Variants in SUPT3H observed in about 807,000 individuals in gnomAD.
SUPT3H encodes the protein SPT3 homolog, SAGA and STAGA complex component, also known as transcription initiation protein SPT3 homolog.
SUPT3H carries 44 observed loss-of-function variants against 44.3 expected under a neutral mutation model. That is an observed-to-expected ratio of 0.99 (90% CI 0.78 to 1.28). SUPT3H has a LOEUF of 1.28. Among genes scored for constraint, SUPT3H ranks in the 50% most tolerant of loss-of-function variants. The pLI is 0.00. For missense variants in SUPT3H, 380 were observed against 387.1 expected (o/e 0.98, Z 0.15); for synonymous variants, 124 against 125.6 (o/e 0.99, Z 0.09).
At chr6:44,937,519 A>G (rs73443287) in intron 9 of SUPT3H, among the ~76,000 whole-genome samples, 5,049 of 151,938 alleles carry the variant, frequency 0.033, 246 homozygotes, top group African/African-American at 0.11. Flanking sequence ...ACTGTTTTCA[A>G]TAGAAGTTGT....
At chr6:44,896,215 C>T (rs1258417211) in intron 10 of SUPT3H, among the ~76,000 whole-genome samples, 3 of 152,036 alleles carry the variant, frequency 2.0e-5, no homozygotes, top group Non-Finnish European at 4.4e-5. Flanking sequence ...ATTCATAAGC[C>T]TTGAATTCAA....
chr6:44,849,265 C>T (rs577345622), intron 10 of SUPT3H, among the ~76,000 whole-genome samples: 44 of 123,716 alleles, frequency 3.6e-4, no homozygotes, highest in Admixed American at 5.4e-4. Context: ...CTCGCTCTGT[C>T]GCCCAGGCTG....
At chr6:45,224,362 G>T (rs571306887) in intron 2 of SUPT3H, among the ~76,000 whole-genome samples, 1 of 152,168 alleles carries the variant, frequency 6.6e-6, no homozygotes, top group Admixed American at 6.5e-5. Context: ...CTGAAAGAAT[G>T]TTTCTCACTG....
intron 2 of SUPT3H, among the ~76,000 whole-genome samples, chr6:45,280,506 A>T (rs1343429329): frequency 6.6e-6 from 1 of 151,964 alleles, no homozygotes; most frequent in African/African-American, 2.4e-5. Context: ...AAAAAACAAC[A>T]AAAAAAACCT....
intron 2 of SUPT3H, among the ~76,000 whole-genome samples, chr6:45,143,927 C>T (rs1805629683): frequency 6.6e-6 from 1 of 152,022 alleles, no homozygotes; most frequent in Non-Finnish European, 1.5e-5. Flanking sequence ...CCTTTATATA[C>T]ACGAACTAGA....
intron 2 of SUPT3H, among the ~76,000 whole-genome samples, chr6:45,238,106 T>C (rs772208178): frequency 2.6e-5 from 4 of 152,328 alleles, no homozygotes; most frequent in South Asian, 2.1e-4. Flanking sequence ...GCCAGACTTA[T>C]GTAGGGCAAG....
intron 10 of SUPT3H, among the ~76,000 whole-genome samples, chr6:44,860,786 C>A (rs187561146): frequency 6.6e-6 from 1 of 152,140 alleles, no homozygotes; most frequent in East Asian, 1.9e-4. Context: ...GGACTAGAAA[C>A]CAATTCTAAA....
At chr6:45,071,372 T>G (rs1794354102) in intron 3 of SUPT3H, among the ~76,000 whole-genome samples, 1 of 152,110 alleles carries the variant, frequency 6.6e-6, no homozygotes, top group Non-Finnish European at 1.5e-5. Context: ...CCAAACCCAG[T>G]AAACTCTTTA....
At chr6:45,280,222 C>T (rs971841324) in intron 2 of SUPT3H, among the ~76,000 whole-genome samples, 1 of 152,054 alleles carries the variant, frequency 6.6e-6, no homozygotes, top group African/African-American at 2.4e-5. Flanking sequence ...TAGGTATAGG[C>T]CAGGTGTCGT....
chr6:45,336,947 T>TA (rs2150113043), intron 2 of SUPT3H, among the ~76,000 whole-genome samples: 1 of 151,770 alleles, frequency 6.6e-6, no homozygotes, highest in African/African-American at 2.4e-5. Flanking sequence ...TAAACTGGCA[T>TA]AAAAATATTT....
intron 2 of SUPT3H, among the ~76,000 whole-genome samples, chr6:45,158,298 A>ATATTTTTTTTTTT: frequency 2.0e-5 from 2 of 99,694 alleles, no homozygotes; most frequent in African/African-American, 1.0e-4. Context: ...ATATATATAT[A>ATATTTTTTTTTTT]TTTTTTTTTT....
intron 10 of SUPT3H, among the ~76,000 whole-genome samples, chr6:44,865,713 T>A (rs1425955132): frequency 6.6e-5 from 10 of 152,232 alleles, no homozygotes; most frequent in Non-Finnish European, 1.5e-4. Context: ...GTGGGAATTA[T>A]GGGAGTAAAA....
At chr6:45,002,203 C>T (rs1222254586) in intron 6 of SUPT3H, among the ~76,000 whole-genome samples, 1 of 151,974 alleles carries the variant, frequency 6.6e-6, no homozygotes, top group East Asian at 1.9e-4. Context: ...AGTACCCAAG[C>T]TTTTTCTACC....
At chr6:45,158,327 T>G (rs1808355711) in intron 2 of SUPT3H, among the ~76,000 whole-genome samples, 1 of 129,216 alleles carries the variant, frequency 7.7e-6, no homozygotes, top group African/African-American at 3.0e-5. Context: ...TGAGATGGAG[T>G]CTCACTATGT....
At chr6:45,114,904 A>G (rs151019448) in intron 2 of SUPT3H, among the ~76,000 whole-genome samples, 62 of 152,304 alleles carry the variant, frequency 4.1e-4, no homozygotes, top group East Asian at 1.2e-3. Context: ...TCTCAAGGTC[A>G]TAAGTCCAGT....
At chr6:45,175,006 C>T (rs1811461162) in intron 2 of SUPT3H, among the ~76,000 whole-genome samples, 1 of 104,426 alleles carries the variant, frequency 9.6e-6, no homozygotes, top group African/African-American at 4.1e-5. Flanking sequence ...AGTGAGCCCT[C>T]GTCACTAAAA....
At chr6:45,308,533 A>G (rs200139947) in intron 2 of SUPT3H, among the ~76,000 whole-genome samples, 22,728 of 152,062 alleles carry the variant, frequency 0.15, 1,919 homozygotes, top group East Asian at 0.26. Context: ...TACTTCACAG[A>G]GAAGCAAATG....
At chr6:45,099,092 T>C (rs1798188860) in intron 3 of SUPT3H, 3 of 362,772 alleles carry the variant, frequency 8.3e-6, no homozygotes, top group South Asian at 6.7e-5. Context: ...TGGTGAACAT[T>C]GCCCAGCCAC....
chr6:45,141,183 T>C (rs1805114926), intron 2 of SUPT3H, among the ~76,000 whole-genome samples: 2 of 150,876 alleles, frequency 1.3e-5, no homozygotes, highest in South Asian at 4.2e-4. Context: ...CTACTAAAAT[T>C]ATAAAAATTA....
Sources: gnomAD v4.1 joint callset for allele counts (sites outside exome capture counted in the v4.1 genomes callset) on GRCh38, gnomAD v4.1.1 for gene constraint, MANE v1.5 for transcripts, NCBI Gene and HGNC (gene_info 2026-07-23, HGNC 2026-07-21) for gene names.